NRP1: variants seen among roughly 807,000 people sequenced by gnomAD.
The protein encoded by NRP1 is neuropilin-1.
A neutral mutation model predicts 106.7 loss-of-function variants in NRP1; 35 were observed. That is an observed-to-expected ratio of 0.33 (90% confidence interval 0.25 to 0.43). NRP1 has a LOEUF of 0.43. Ranked by LOEUF, NRP1 falls within the 20% of genes least tolerant of loss-of-function variation. The pLI, the probability that NRP1 is intolerant of heterozygous loss-of-function variation, is 1.00. For synonymous variants in NRP1, 437 were observed against 417.9 expected (o/e 1.05, Z -0.56); for missense variants, 1,024 against 1,170.4 (o/e 0.87, Z 1.83).
intron 7 of NRP1, among the ~76,000 whole-genome samples, chr10:33,225,875 G>A (rs1348704061): frequency 8.5e-5 from 13 of 152,126 alleles, no homozygotes; most frequent in Non-Finnish European, 4.4e-5. Flanking sequence ...CCCCATGGGG[G>A]GCTTACAGCA....
intron 2 of NRP1, among the ~76,000 whole-genome samples, chr10:33,289,930 T>A (rs984989213): frequency 4.6e-5 from 7 of 152,228 alleles, no homozygotes; most frequent in Admixed American, 4.6e-4. Flanking sequence ...TGTTCCTTCA[T>A]TTGAATTTCA....
intron 2 of NRP1, among the ~76,000 whole-genome samples, chr10:33,292,589 C>T (rs1260809955): frequency 1.3e-5 from 2 of 152,144 alleles, no homozygotes; most frequent in Non-Finnish European, 2.9e-5. Context: ...AGAGGGCATC[C>T]GAGAATTTTG....
chr10:33,323,201 C>G (rs565903909), intron 2 of NRP1, among the ~76,000 whole-genome samples: 11 of 151,734 alleles, frequency 7.2e-5, no homozygotes, highest in South Asian at 6.3e-4. Flanking sequence ...GAAGCCCCCC[C>G]ATCCTTCTGT....
chr10:33,287,892 C>T (rs1188215126), intron 2 of NRP1, among the ~76,000 whole-genome samples: 1 of 152,162 alleles, frequency 6.6e-6, no homozygotes, highest in African/African-American at 2.4e-5. Context: ...ATTTCCATAG[C>T]AGCTTGTCTG....
intron 4 of NRP1, among the ~76,000 whole-genome samples, chr10:33,263,258 T>G (rs529184250): frequency 6.6e-6 from 1 of 152,340 alleles, no homozygotes; most frequent in African/African-American, 2.4e-5. Context: ...ATGAGTGGTT[T>G]GATGTAATGG....
At chr10:33,285,707 A>G (rs1844477837) in intron 2 of NRP1, among the ~76,000 whole-genome samples, 1 of 152,050 alleles carries the variant, frequency 6.6e-6, no homozygotes, top group South Asian at 2.1e-4. Flanking sequence ...GCATGCCTGA[A>G]ATCCCAGCTA....
At chr10:33,269,071 T>C (rs1020694457) in intron 3 of NRP1, among the ~76,000 whole-genome samples, 1 of 152,206 alleles carries the variant, frequency 6.6e-6, no homozygotes, top group African/African-American at 2.4e-5. Context: ...GTTAGTTTTT[T>C]TTCTATCGAA....
At chr10:33,198,621 T>A (rs1343094677) in intron 11 of NRP1, among the ~76,000 whole-genome samples, 1 of 151,936 alleles carries the variant, frequency 6.6e-6, no homozygotes, top group Non-Finnish European at 1.5e-5. Flanking sequence ...CTCGGTGACT[T>A]GGGTATTAAA....
chr10:33,264,851 G>A lies in NRP1; in HGVS notation c.431-978C>T, dbSNP rs143913547. On this transcript the variant is annotated intron_variant, in intron 3 of 16. Transcript: ENST00000374867. ...CGGGTGTGCACAATGGCTCATGCCT[G>A]TAATGCCAGCACTTTGGGAGGCTGA... 6.4e-3 allele frequency among the ~76,000 whole-genome samples: 982 copies of A among 152,280 alleles called. 2 individuals are homozygous for A. Among genetic ancestry groups the A allele is most frequent in the Middle Eastern group, 0.027 (8 of 294 alleles).
chr10:33,281,963 C>T (rs567261309), intron 2 of NRP1, among the ~76,000 whole-genome samples: 1 of 152,258 alleles, frequency 6.6e-6, no homozygotes, highest in South Asian at 2.1e-4. Context: ...CTCTGTATCA[C>T]TTAGAAGATA....
intron 15 of NRP1, among the ~76,000 whole-genome samples, 173 bp downstream of exon 15, chr10:33,185,455 G>A (rs1033929790): frequency 6.6e-6 from 1 of 152,182 alleles, no homozygotes; most frequent in Non-Finnish European, 1.5e-5. Flanking sequence ...GGCAGACACA[G>A]GTAAATTGGG....
At chr10:33,315,730 G>A (rs1787761571) in intron 2 of NRP1, among the ~76,000 whole-genome samples, 1 of 151,158 alleles carries the variant, frequency 6.6e-6, no homozygotes, top group South Asian at 2.1e-4. Flanking sequence ...AAGAAAGACC[G>A]CATTTACTTG....
chr10:33,286,801 C>T (rs547072869), intron 2 of NRP1, among the ~76,000 whole-genome samples: 16 of 152,120 alleles, frequency 1.1e-4, no homozygotes, highest in Admixed American at 2.6e-4. Context: ...TTCTCTCCGC[C>T]CCCCCACCCA....
intron 13 of NRP1, among the ~76,000 whole-genome samples, chr10:33,189,775 A>T (rs1306836588): frequency 1.3e-5 from 2 of 152,238 alleles, no homozygotes; most frequent in Non-Finnish European, 2.9e-5. Context: ...TCTGGCTTGC[A>T]AAGTTTCACC....
intron 12 of NRP1, 48 bp downstream of exon 12, chr10:33,197,602 A>T: frequency 6.8e-7 from 1 of 1,472,736 alleles, no homozygotes; most frequent in Non-Finnish European, 9.3e-7. Flanking sequence ...AGCCGCGGAG[A>T]GAAGAGAGGT....
intron 9 of NRP1, among the ~76,000 whole-genome samples, chr10:33,211,040 G>C (rs533283632): frequency 6.6e-6 from 1 of 152,258 alleles, no homozygotes; most frequent in African/African-American, 2.4e-5. Context: ...ATGATGGATA[G>C]AACCATATTT....
At chr10:33,215,010 G>A (rs762498519) in intron 8 of NRP1, among the ~76,000 whole-genome samples, 5 of 152,158 alleles carry the variant, frequency 3.3e-5, no homozygotes, top group Non-Finnish European at 7.4e-5. Flanking sequence ...TAAATTTTAT[G>A]TTATGTATAT....
chr10:33,332,153 A>G (rs549775364), intron 1 of NRP1, among the ~76,000 whole-genome samples: 45 of 152,234 alleles, frequency 3.0e-4, no homozygotes, highest in Non-Finnish European at 4.3e-4. Context: ...TAAAAAAAGA[A>G]GACAATATAA....
intron 6 of NRP1, among the ~76,000 whole-genome samples, chr10:33,233,301 T>C (rs57389679): frequency 0.086 from 13,015 of 152,196 alleles, 910 homozygotes; most frequent in African/African-American, 0.19. Context: ...CAACTTACTC[T>C]TTGTTGTAAG....
Sources: allele counts gnomAD v4.1 joint callset (sites outside exome capture counted in the v4.1 genomes callset), GRCh38; gene constraint gnomAD v4.1.1; transcripts MANE v1.5; gene names NCBI Gene and HGNC (gene_info 2026-07-23, HGNC 2026-07-21).